Variants in MYO19 observed in about 807,000 individuals in gnomAD.
The protein encoded by MYO19 is unconventional myosin-XIX.
Under a neutral mutation model 129.2 loss-of-function variants are expected in MYO19, and 132 were observed. The observed-to-expected ratio is 1.02, with a 90% CI of 0.89 to 1.18. The LOEUF (loss-of-function observed/expected upper bound fraction) is 1.18. Among genes scored for constraint, MYO19 ranks in the 50% most tolerant of loss-of-function variants. The pLI, the probability that MYO19 is intolerant of heterozygous loss-of-function variation, is 0.00. For missense variants in MYO19, 1,210 were observed against 1,216.7 expected (o/e 0.99, Z 0.08); for synonymous variants, 531 against 477.2 (o/e 1.11, Z -1.47).
rs550093654 is a variant in MYO19, at chr17:36,541,313, G to A, written n.395+768C>T. ...CGTGCCCCAGTAGCTCTTGTGTGCC[G>A]AAGATGACAACCAGTTTTATTTTTA... On this transcript the variant is annotated intron_variant and non_coding_transcript_variant, in intron 2 of 2. Transcript: ENST00000610496. Among the ~76,000 whole-genome samples, 23 of 152,286 alleles carry A rather than the reference G, an allele frequency of 1.5e-4. No homozygotes were observed. The South Asian group carries it at 3.7e-3, about 25-fold the overall frequency.
chr17:36,499,504 CT>C (rs67039403), intron 23 of MYO19, among the ~76,000 whole-genome samples: 2 of 149,368 alleles, frequency 1.3e-5, no homozygotes, highest in African/African-American at 2.5e-5. Context: ...CCTTTAAAAA[CT>C]TTTTTTTTTG....
chr17:36,516,270 T>C (rs936940093), intron 6 of MYO19, among the ~76,000 whole-genome samples: 1 of 152,222 alleles, frequency 6.6e-6, no homozygotes, highest in African/African-American at 2.4e-5. Flanking sequence ...GGTGTGATTA[T>C]ACAATTGTTT....
intron 3 of MYO19, 30 bp downstream of exon 3, chr17:36,532,497 G>T: frequency 6.4e-7 from 1 of 1,553,584 alleles, no homozygotes; most frequent in South Asian, 1.2e-5. Flanking sequence ...GGTGCTTGAG[G>T]GCCTGGGTTA....
In MYO19 at chr17:36,515,977, C is replaced by T. The variant is rs763890827; in HGVS notation, c.428G>A (p.Arg143His). Residue 143 changes from arginine (R) to histidine (H), a missense_variant, in exon 7 of 26, where the codon CGC becomes CAC. Coordinates refer to ENST00000614623, the MANE Select transcript of MYO19 (RefSeq NM_001163735.2). ...CACAGCATAGAACTTCATTAGGCAG[C>T]GAGACGTCCATGTCTGTGGCAGAAA... ...ESGAGKTWTS[R>H]CLMKFYAVVA... The T allele has an allele frequency of 1.1e-5, 17 of 1,611,742 alleles. No homozygotes were observed. The East Asian group carries it at 1.3e-4, about 13-fold the overall frequency.
chr17:36,509,248 C>T (rs898177283), intron 13 of MYO19, 113 bp from the exon 14 acceptor site: 4 of 866,388 alleles, frequency 4.6e-6, no homozygotes, highest in East Asian at 2.6e-5. Context: ...GTATTCTGAG[C>T]CTGACAGGTC....
At chr17:36,512,855 TGA>T in intron 11 of MYO19, 1 of 1,208,720 alleles carries the variant, frequency 8.3e-7, no homozygotes, top group Non-Finnish European at 1.1e-6. Flanking sequence ...CTAGTGTGAC[TGA>T]GAGGAGCCCA....
chr17:36,514,647 C>T, intron 8 of MYO19, 99 bp from the exon 9 acceptor site: 1 of 767,686 alleles, frequency 1.3e-6, no homozygotes, highest in East Asian at 2.5e-5. Context: ...CTGGCAACTC[C>T]CCGCCAAGCT....
At chr17:36,538,272 G>T (rs765878188), upstream of MYO19, 1 of 1,613,174 alleles carries the variant, frequency 6.2e-7, no homozygotes, top group Non-Finnish European at 8.5e-7. Flanking sequence ...TTTATTACTG[G>T]GTGATATAAT....
At chr17:36,542,810 G>A (rs1436100221) in intron 1 of MYO19, among the ~76,000 whole-genome samples, 1 of 151,800 alleles carries the variant, frequency 6.6e-6, no homozygotes, top group African/African-American at 2.4e-5. Context: ...CCGCCTTCCC[G>A]GTTCAAGCGA....
At position 36,508,912 on chromosome 17, in the gene MYO19, C is replaced by T. The variant is rs140256254; in HGVS notation, c.1231+150G>A. 299 of 673,840 alleles carry T rather than the reference C, an allele frequency of 4.4e-4. 1 individual carries two copies. In the East Asian group the frequency reaches 6.7e-3, roughly 15 times the overall value. The allele number at this position is 673,840 out of a possible 1,614,324, so 41.7% of individuals were successfully genotyped here. A position where few individuals can be genotyped will look rare whatever the true frequency, so the allele number is the denominator to read the frequency against. ...GAGATCTCACCCTATGCAGAGATCTCGCTCTATGCTGGCAGGCAGATGCAA... is the reference window on the plus strand; with the variant it reads ...GAGATCTCACCCTATGCAGAGATCTTGCTCTATGCTGGCAGGCAGATGCAA... On this transcript the variant is annotated intron_variant, in intron 14 of 25. Coordinates refer to ENST00000614623, the MANE Select transcript of MYO19 (RefSeq NM_001163735.2).
chr17:36,525,272 C>T lies in MYO19; in HGVS notation c.370G>A (p.Val124Ile). The stretch of plus-strand genomic sequence containing the variant: ...CCACTGACAACAATAGACTGGTTGA[C>T]TGGTTCAATCAGGCTCTTGACATTC... ...YRNVKSLIEP[V>I]NQSIVVSGES... The change falls in exon 6 of 26, where the codon GTC becomes ATC. Residue 124 changes from valine (V) to isoleucine (I), a missense_variant. Physicochemically the swap from Val to Ile is conservative, Grantham distance 29. Coordinates refer to ENST00000614623, the MANE Select transcript of MYO19 (RefSeq NM_001163735.2). 3 of 1,613,950 alleles carry T rather than the reference C, an allele frequency of 1.9e-6. No homozygotes were observed. The highest frequency in any genetic ancestry group is 1.1e-5 in the South Asian group (1 of 91,068).
chr17:36,511,452 G>T lies in MYO19; in HGVS notation c.898C>A (p.Leu300Ile). ...TTGCCAAGGTGCAGCAGTCCAGCTAGGACCTGGGGGAAAGAAAAGGATGGG... is the reference window on the plus strand; with the variant it reads ...TTGCCAAGGTGCAGCAGTCCAGCTATGACCTGGGGGAAAGAAAAGGATGGG... The part of the protein sequence containing the change: ...TPTQNNIFKV[L>I]AGLLHLGNIQ... Residue 300 changes from leucine to isoleucine, a missense_variant, in exon 12 of 26, where the codon CTA (leucine) becomes ATA (isoleucine). Coordinates refer to ENST00000614623, the MANE Select transcript of MYO19 (RefSeq NM_001163735.2). The T allele has an allele frequency of 6.4e-7, 1 of 1,558,762 alleles. No homozygotes were observed. The highest frequency in any genetic ancestry group is 1.2e-5 in the South Asian group (1 of 84,350).
At chr17:36,504,825 A>C (rs2071763540) in intron 19 of MYO19, 1 of 213,958 alleles carries the variant, frequency 4.7e-6, no homozygotes, top group African/African-American at 2.3e-5. Context: ...AGGCAGGAGA[A>C]TCACTTGAAC....
chr17:36,513,802 G>A, intron 9 of MYO19, 77 bp from the exon 10 acceptor site: 2 of 1,293,658 alleles, frequency 1.5e-6, no homozygotes. Flanking sequence ...GCATGGGGTT[G>A]GGATAAGAGG....
upstream of MYO19, chr17:36,538,816 C>T: frequency 2.0e-6 from 1 of 511,526 alleles, no homozygotes; most frequent in Non-Finnish European, 3.5e-6. Context: ...TGTAGTGGTG[C>T]CATCTCAGCT....
intron 6 of MYO19, among the ~76,000 whole-genome samples, chr17:36,523,238 C>T (rs1003691019): frequency 1.3e-5 from 2 of 151,576 alleles, no homozygotes; most frequent in Non-Finnish European, 2.9e-5. Flanking sequence ...GGGTTCCTGC[C>T]ATGGGGGATT....
At chr17:36,511,775 A>G (rs2072347047) in intron 11 of MYO19, among the ~76,000 whole-genome samples, 1 of 152,188 alleles carries the variant, frequency 6.6e-6, no homozygotes, top group Non-Finnish European at 1.5e-5. Flanking sequence ...GTGGGCCTCC[A>G]TGCCCACCCA....
intron 3 of MYO19, among the ~76,000 whole-genome samples, chr17:36,528,651 C>T (rs2142401167): frequency 6.6e-6 from 1 of 152,256 alleles, no homozygotes; most frequent in Non-Finnish European, 1.5e-5. Flanking sequence ...TCAGTTCTGC[C>T]TCTTAGTAGC....
chr17:36,519,998 C>T (rs1290137598), intron 6 of MYO19, among the ~76,000 whole-genome samples: 1 of 151,180 alleles, frequency 6.6e-6, no homozygotes, highest in African/African-American at 2.5e-5. Context: ...CTTTAAGATA[C>T]TTTTTTTCCT....
Sources: allele counts gnomAD v4.1 joint callset (sites outside exome capture counted in the v4.1 genomes callset), GRCh38; gene constraint gnomAD v4.1.1; transcripts MANE v1.5; gene names NCBI Gene and HGNC (gene_info 2026-07-23, HGNC 2026-07-21).